SCTR: variants seen among roughly 807,000 people sequenced by gnomAD.
The protein encoded by SCTR is pancreatic secretin receptor.
SCTR carries 56 observed loss-of-function variants against 60.8 expected under a neutral mutation model. The observed-to-expected ratio is 0.92, with a 90% CI of 0.74 to 1.15. The LOEUF (loss-of-function observed/expected upper bound fraction) is 1.15, where lower values mean the gene tolerates loss of function less well. Among genes scored for constraint, SCTR ranks in the 50% most tolerant of loss-of-function variants. The pLI, the probability that SCTR is intolerant of heterozygous loss-of-function variation, is 0.00. For missense variants in SCTR, 562 were observed against 550.4 expected, an observed-to-expected ratio of 1.02 and a Z score of -0.21; for synonymous variants, 202 against 217.0, an observed-to-expected ratio of 0.93 and a Z score of 0.61.
chr2:119,454,488 G>A (rs1573808608), intron 7 of SCTR, among the ~76,000 whole-genome samples: 1 of 152,276 alleles, frequency 6.6e-6, no homozygotes, highest in Admixed American at 6.5e-5. Context: ...CTGGTATGTG[G>A]CTGGTCCCTA....
intron 1 of SCTR, among the ~76,000 whole-genome samples, chr2:119,501,863 A>G (rs1434244346): frequency 1.3e-5 from 2 of 152,216 alleles, no homozygotes; most frequent in African/African-American, 4.8e-5. Flanking sequence ...AAAATCCTAG[A>G]ACTAAAAAGT....
intron 4 of SCTR, among the ~76,000 whole-genome samples, chr2:119,468,424 T>A (rs938399734): frequency 2.0e-5 from 3 of 152,198 alleles, no homozygotes; most frequent in African/African-American, 7.2e-5. Flanking sequence ...ACCAACTGTG[T>A]GACCTTGAGC....
Position 119,499,311 on chromosome 2 carries a change from A to G in SCTR, c.73-4763T>C, listed in dbSNP as rs183670761. Among the ~76,000 whole-genome samples, 382 of 152,218 alleles carry G rather than the reference A, an allele frequency of 2.5e-3. 2 individuals are homozygous for G. Among genetic ancestry groups the G allele is most frequent in the Non-Finnish European group, 4.2e-3 (283 of 67,924 alleles). On this transcript the variant is annotated intron_variant, in intron 1 of 12. Transcript: ENST00000019103. ...ACACACTCTTCTCTTAACAATGGAT[A>G]GAATAACTAGACAGAAAATCAGCAA...
chr2:119,503,851 G>T (rs150052011), intron 1 of SCTR, among the ~76,000 whole-genome samples: 1 of 152,158 alleles, frequency 6.6e-6, no homozygotes, highest in East Asian at 1.9e-4. Flanking sequence ...AAACCACATT[G>T]ATGCAAGATG....
chr2:119,487,730 G>A (rs140957596), intron 2 of SCTR, among the ~76,000 whole-genome samples: 52 of 152,328 alleles, frequency 3.4e-4, no homozygotes, highest in African/African-American at 1.2e-3. Context: ...TAAGACCTTG[G>A]CCACCTAACC....
intron 11 of SCTR, among the ~76,000 whole-genome samples, chr2:119,444,202 TATATATAC>T (rs1682774219): frequency 7.6e-6 from 1 of 130,914 alleles, no homozygotes; most frequent in Non-Finnish European, 1.5e-5. Context: ...TACACATATG[TATATATAC>T]ATATGAATAT....
chr2:119,502,641 A>G (rs1383965899), intron 1 of SCTR, among the ~76,000 whole-genome samples: 2 of 152,138 alleles, frequency 1.3e-5, no homozygotes, highest in African/African-American at 4.8e-5. Flanking sequence ...TCTATAGGTC[A>G]ATGGATAAAC....
At chr2:119,515,666 C>T (rs1431481183) in intron 1 of SCTR, among the ~76,000 whole-genome samples, 1 of 152,208 alleles carries the variant, frequency 6.6e-6, no homozygotes, top group Non-Finnish European at 1.5e-5. Context: ...GATTTTAGAA[C>T]TTGCACAAGT....
At chr2:119,507,435 C>A (rs1558879591) in intron 1 of SCTR, among the ~76,000 whole-genome samples, 1 of 152,112 alleles carries the variant, frequency 6.6e-6, no homozygotes, top group Non-Finnish European at 1.5e-5. Flanking sequence ...GTGTGTAGCC[C>A]TGCTATCACT....
At chr2:119,519,093 G>A (rs1378087996) in intron 1 of SCTR, among the ~76,000 whole-genome samples, 2 of 152,072 alleles carry the variant, frequency 1.3e-5, no homozygotes, top group East Asian at 1.9e-4. Context: ...TCAGCTTCCC[G>A]AGTAGCTGAG....
intron 1 of SCTR, among the ~76,000 whole-genome samples, chr2:119,517,503 T>C (rs1232136191): frequency 2.0e-5 from 3 of 152,100 alleles, no homozygotes; most frequent in Non-Finnish European, 1.5e-5. Flanking sequence ...AAGAATCCAG[T>C]GAATGTGGCA....
chr2:119,452,188 G>A, intron 8 of SCTR, 109 bp from the exon 9 acceptor site: 1 of 690,298 alleles, frequency 1.4e-6, no homozygotes, highest in South Asian at 1.7e-5. Context: ...ACCTGTGTTT[G>A]TGGCACTGAG....
intron 2 of SCTR, among the ~76,000 whole-genome samples, chr2:119,483,127 T>A (rs1677706786): frequency 6.6e-6 from 1 of 152,198 alleles, no homozygotes; most frequent in South Asian, 2.1e-4. Context: ...GCCAGACAGA[T>A]GTGGACGGTG....
At chr2:119,465,626 G>A (rs780843948) in intron 5 of SCTR, among the ~76,000 whole-genome samples, 163 bp downstream of exon 5, 6 of 152,136 alleles carry the variant, frequency 3.9e-5, no homozygotes, top group African/African-American at 4.8e-5. Context: ...GGATGAATGA[G>A]GTCACAGGAA....
At chr2:119,490,814 G>A (rs530861824) in intron 2 of SCTR, among the ~76,000 whole-genome samples, 18 of 152,294 alleles carry the variant, frequency 1.2e-4, no homozygotes, top group Middle Eastern at 3.4e-3. Flanking sequence ...GTATCCCTTT[G>A]TCTGGGGGCT....
intron 1 of SCTR, among the ~76,000 whole-genome samples, chr2:119,516,015 G>T (rs752120486): frequency 3.9e-5 from 6 of 152,124 alleles, no homozygotes; most frequent in African/African-American, 1.4e-4. Context: ...AATCAAAGCC[G>T]CAATGAGCCA....
intron 1 of SCTR, among the ~76,000 whole-genome samples, chr2:119,519,142 T>C (rs1679207372): frequency 6.6e-6 from 1 of 152,132 alleles, no homozygotes; most frequent in Admixed American, 6.5e-5. Context: ...TTTTGTACTT[T>C]TAGTAAAGAC....
chr2:119,515,135 T>C (rs549852965), intron 1 of SCTR, among the ~76,000 whole-genome samples: 21 of 152,280 alleles, frequency 1.4e-4, no homozygotes, highest in African/African-American at 5.1e-4. Context: ...ACTGGTGACA[T>C]GAAGGTGAAT....
chr2:119,453,671 C>T (rs896615071), intron 7 of SCTR, among the ~76,000 whole-genome samples: 2 of 152,280 alleles, frequency 1.3e-5, no homozygotes, highest in Non-Finnish European at 1.5e-5. Context: ...TGGGCAGGCT[C>T]GTGGACACAT....
Sources: allele counts gnomAD v4.1 joint callset (sites outside exome capture counted in the v4.1 genomes callset), GRCh38; gene constraint gnomAD v4.1.1; transcripts MANE v1.5; gene names NCBI Gene and HGNC (gene_info 2026-07-23, HGNC 2026-07-21).